ARHGAP35: variants seen among roughly 807,000 people sequenced by gnomAD.
ARHGAP35 encodes the protein Rho GTPase activating protein 35, also known as rho GTPase-activating protein 35.
In ARHGAP35, 15 loss-of-function variants were observed where a neutral mutation model predicts 111.1. The observed-to-expected ratio is 0.13, with a 90% confidence interval of 0.09 to 0.21. ARHGAP35 has a LOEUF of 0.21. Ranked by LOEUF, ARHGAP35 falls within the 10% of genes least tolerant of loss-of-function variation. ARHGAP35 has a pLI of 1.00. For missense variants in ARHGAP35, 1,262 were observed against 1,873.0 expected, an observed-to-expected ratio of 0.67 and a Z score of 6.02; for synonymous variants, 643 against 710.3, an observed-to-expected ratio of 0.91 and a Z score of 1.51.
intron 1 of ARHGAP35, among the ~76,000 whole-genome samples, chr19:46,915,267 C>T (rs1308567634): frequency 6.6e-6 from 1 of 152,162 alleles, no homozygotes; most frequent in African/African-American, 2.4e-5. Flanking sequence ...GTTTTTCTTT[C>T]CCGTGGATAC....
chr19:46,891,672 G>T (rs1198782526), intron 1 of ARHGAP35, among the ~76,000 whole-genome samples: 1 of 151,982 alleles, frequency 6.6e-6, no homozygotes, highest in Non-Finnish European at 1.5e-5. Flanking sequence ...TGATCTGCCC[G>T]CCTGAGCCTC....
intron 1 of ARHGAP35, among the ~76,000 whole-genome samples, 158 bp downstream of exon 1, chr19:46,861,367 C>T (rs1041332183): frequency 3.3e-5 from 5 of 149,834 alleles, no homozygotes; most frequent in African/African-American, 1.2e-4. Context: ...CCCCCGGGCC[C>T]CGCCGTCCCC....
chr19:46,929,591 CT>C (rs55818906), intron 2 of ARHGAP35, among the ~76,000 whole-genome samples: 10,427 of 92,986 alleles, frequency 0.11, 554 homozygotes, highest in Middle Eastern at 0.13. Context: ...ACCTGTTACT[CT>C]TTTTTTTTTT....
At position 47,000,006 on chromosome 19, in the gene ARHGAP35, C is replaced by T. The variant is rs755391358; in HGVS notation, c.4143-325C>T. Among the ~76,000 whole-genome samples the T allele has an allele frequency of 3.3e-5, 5 of 152,202 alleles. No individual in the cohort carries two copies. Among genetic ancestry groups the T allele is most frequent in the Non-Finnish European group, 7.3e-5 (5 of 68,030 alleles). ...CGCTCTGGCTTAGGACACTCAGCCT[C>T]CCTCCCTCGTCACAGCCGGAGCACC... is the stretch of plus-strand genomic sequence containing the variant. On this transcript the variant is annotated intron_variant, in intron 6 of 6. Coordinates refer to ENST00000672722, the MANE Select transcript of ARHGAP35 (RefSeq NM_004491.5). This position sits in a 1 kb window ranked among gnomAD's most constrained non-coding sequence, Gnocchi z 6.9.
intron 5 of ARHGAP35, among the ~76,000 whole-genome samples, chr19:46,995,797 CCA>C (rs2056704226): frequency 6.6e-6 from 1 of 152,224 alleles, no homozygotes; most frequent in Non-Finnish European, 1.5e-5. Context: ...AGGTCCCTCC[CCA>C]GAGAGGCCCT....
At position 46,918,532 on chromosome 19, in the gene ARHGAP35, C is replaced by T; in HGVS notation, c.-144C>T. The T allele has an allele frequency of 1.4e-6, 1 of 724,636 alleles. No individual in the cohort carries two copies. The highest frequency in any genetic ancestry group is 2.3e-6 in the Non-Finnish European group (1 of 433,622). The allele number at this position is 724,636 out of a possible 1,614,324, so 44.9% of individuals were successfully genotyped here. A position where few individuals can be genotyped will look rare whatever the true frequency, so the allele number is the denominator to read the frequency against. On this transcript the variant is annotated 5_prime_UTR_variant, in exon 2 of 7. Transcript: ENST00000672722. The surrounding 1 kb of genome is among the most constrained non-coding windows in gnomAD (Gnocchi z 5.4). Reference sequence around the variant, plus strand: ...GGCGATGAGAGGTGGTGAACAGTGACCATACTGGTATACAACACTATGGGA... The same window carrying T: ...GGCGATGAGAGGTGGTGAACAGTGATCATACTGGTATACAACACTATGGGA...
intron 5 of ARHGAP35, among the ~76,000 whole-genome samples, chr19:46,998,470 G>A (rs575969400): frequency 6.6e-5 from 10 of 152,322 alleles, no homozygotes; most frequent in South Asian, 2.1e-4. Flanking sequence ...CACCAGCCCC[G>A]ATGCCCTTCC....
chr19:46,928,591 G>C (rs558293783), intron 2 of ARHGAP35, among the ~76,000 whole-genome samples: 20 of 152,146 alleles, frequency 1.3e-4, no homozygotes, highest in Non-Finnish European at 2.5e-4. Context: ...GTCTTCTCGG[G>C]GGGGTGGATC....
At chr19:46,963,135 C>CT (rs2056494113) in intron 3 of ARHGAP35, among the ~76,000 whole-genome samples, 1 of 152,154 alleles carries the variant, frequency 6.6e-6, no homozygotes, top group Non-Finnish European at 1.5e-5. Context: ...GCATGGTGTG[C>CT]TACCCTGATG....
intron 3 of ARHGAP35, among the ~76,000 whole-genome samples, chr19:46,977,010 G>A (rs895387022): frequency 1.1e-4 from 17 of 152,218 alleles, no homozygotes; most frequent in African/African-American, 4.1e-4. Flanking sequence ...GTGAAGCACA[G>A]ATGAACTAAC....
intron 1 of ARHGAP35, among the ~76,000 whole-genome samples, chr19:46,899,522 T>G (rs1002606051): frequency 7.2e-5 from 11 of 151,866 alleles, no homozygotes; most frequent in Admixed American, 2.0e-4. Context: ...GGTGAAACCT[T>G]GTCTCTACAA....
intron 1 of ARHGAP35, among the ~76,000 whole-genome samples, chr19:46,905,951 TGG>T (rs1470770359): frequency 6.6e-6 from 1 of 151,926 alleles, no homozygotes; most frequent in African/African-American, 2.4e-5. Context: ...CCCAAAGTGC[TGG>T]GATTACAGGC....
At chr19:46,929,914 C>CA (rs550047007) in intron 2 of ARHGAP35, among the ~76,000 whole-genome samples, 10,659 of 117,180 alleles carry the variant, frequency 0.091, 618 homozygotes, top group East Asian at 0.2. Context: ...AACTCCATCT[C>CA]AAAAAAAAAA....
intron 3 of ARHGAP35, among the ~76,000 whole-genome samples, chr19:46,968,911 A>G (rs1398867552): frequency 6.6e-6 from 1 of 152,120 alleles, no homozygotes; most frequent in East Asian, 1.9e-4. Flanking sequence ...ACATGATGAA[A>G]CCCTGTCTCT....
intron 3 of ARHGAP35, among the ~76,000 whole-genome samples, chr19:46,965,752 T>C (rs1472606118): frequency 6.6e-6 from 1 of 152,228 alleles, no homozygotes; most frequent in Non-Finnish European, 1.5e-5. Context: ...CCCAAAGTGC[T>C]GGGATTACAG....
At chr19:46,875,939 C>T (rs1171785493) in intron 1 of ARHGAP35, among the ~76,000 whole-genome samples, 25 of 152,058 alleles carry the variant, frequency 1.6e-4, no homozygotes, top group Non-Finnish European at 1.5e-5. Context: ...AGGTCATAGG[C>T]CAAATAGCAG....
At position 46,919,826 on chromosome 19, in the gene ARHGAP35, A is replaced by T; in HGVS notation, c.1151A>T (p.Glu384Val). The change falls in exon 2 of 7, where the codon GAA (glutamate) becomes GTA (valine). Residue 384 changes from glutamate to valine, a missense_variant. Coordinates refer to ENST00000672722, the MANE Select transcript of ARHGAP35 (RefSeq NM_004491.5). The surrounding 1 kb of genome is among the most constrained non-coding windows in gnomAD (Gnocchi z 6.2). Reference protein sequence around the residue: ...PEFLKWFVVLEETPWDATSHI... With the variant: ...PEFLKWFVVLVETPWDATSHI... ...TTCTTGAAGTGGTTTGTTGTGCTTG[A>T]AGAGACCCCATGGGATGCCACCAGT... 1 of 1,614,068 alleles carries T rather than the reference A, an allele frequency of 6.2e-7. No homozygotes were observed. Among genetic ancestry groups the T allele is most frequent in the Non-Finnish European group, 8.5e-7 (1 of 1,179,894 alleles).
Position 46,921,145 on chromosome 19 carries a change from C to G in ARHGAP35, c.2470C>G (p.Leu824Val), listed in dbSNP as rs755961782. 1.9e-5 allele frequency: 31 copies of G among 1,613,922 alleles called. No individual in the cohort carries two copies. The Admixed American group carries it at 5.0e-4, about 26-fold the overall frequency. Residue 824 changes from leucine to valine, a missense_variant, in exon 2 of 7, where the codon CTA (leucine) becomes GTA (valine). Transcript: ENST00000672722. This position sits in a 1 kb window ranked among gnomAD's most constrained non-coding sequence, Gnocchi z 4.3. The part of the protein sequence containing the change: ...CGSNNSVLLE[L>V]PIGLHKKRIE... Reference sequence around the variant, plus strand: ...AAGCAACAACTCTGTTTTACTTGAACTACCAATCGGACTGCACAAGAAGCG... The same window carrying G: ...AAGCAACAACTCTGTTTTACTTGAAGTACCAATCGGACTGCACAAGAAGCG...
chr19:47,001,027 A>G lies in ARHGAP35; in HGVS notation c.*339A>G, dbSNP rs572489262. 1.3e-5 allele frequency: 19 copies of G among 1,422,846 alleles called. No individual in the cohort carries two copies. The highest frequency in any genetic ancestry group is 2.1e-5 in the Admixed American group (1 of 47,326). The allele number at this position is 1,422,846 out of a possible 1,614,324, so 88.1% of individuals were successfully genotyped here. ...GCCTCCCTCTGCTTGTACAGAGCCC[A>G]TGGTCGGGACAGTGCCCTGGCCTTT... On this transcript the variant is annotated 3_prime_UTR_variant, in exon 7 of 7. Coordinates refer to ENST00000672722, the MANE Select transcript of ARHGAP35 (RefSeq NM_004491.5). The surrounding 1 kb of genome is among the most constrained non-coding windows in gnomAD (Gnocchi z 5.4).
Sources: allele counts gnomAD v4.1 joint callset (sites outside exome capture counted in the v4.1 genomes callset), GRCh38; gene constraint gnomAD v4.1.1; non-coding constraint Gnocchi (gnomAD v3.1); transcripts MANE v1.5; gene names NCBI Gene and HGNC (gene_info 2026-07-23, HGNC 2026-07-21).